The following RCOR3 variants were observed in gnomAD, a reference collection of about 807,000 sequenced individuals.
RCOR3 encodes REST corepressor 3.
RCOR3 carries 13 observed loss-of-function variants against 64.1 expected under a neutral mutation model. The ratio of observed to expected loss-of-function variants is 0.20; its 90% confidence interval spans 0.13 to 0.32. The LOEUF (loss-of-function observed/expected upper bound fraction) is 0.32. Ranked by LOEUF, RCOR3 falls within the 10% of genes least tolerant of loss-of-function variation. The pLI is 1.00. For missense variants in RCOR3, 489 were observed against 701.2 expected (o/e 0.70, Z 3.42); for synonymous variants, 215 against 239.0 (o/e 0.90, Z 0.93).
At chr1:211,289,820 G>A (rs1699027011) in intron 8 of RCOR3, among the ~76,000 whole-genome samples, 1 of 152,112 alleles carries the variant, frequency 6.6e-6, no homozygotes, top group Non-Finnish European at 1.5e-5. Flanking sequence ...TAGTAGTATT[G>A]TAAGGGCAGC....
At chr1:211,298,689 G>T (rs1700077435) in intron 9 of RCOR3, among the ~76,000 whole-genome samples, 1 of 152,076 alleles carries the variant, frequency 6.6e-6, no homozygotes, top group Admixed American at 6.6e-5. Context: ...AGTGGGCAGG[G>T]TCAGAGTATA....
At chr1:211,286,872 CCTT>C (rs1401576536) in intron 7 of RCOR3, among the ~76,000 whole-genome samples, 2 of 152,154 alleles carry the variant, frequency 1.3e-5, no homozygotes, top group South Asian at 2.1e-4. Context: ...TTTTGCCCAC[CCTT>C]CTTTCCTGAA....
chr1:211,308,673 GTTTTTT>G (rs545513442), intron 10 of RCOR3, among the ~76,000 whole-genome samples: 1 of 40,488 alleles, frequency 2.5e-5, no homozygotes, highest in Non-Finnish European at 5.4e-5. Flanking sequence ...TTTTTTTTTT[GTTTTTT>G]TTTTGTTTTT....
intron 5 of RCOR3, 130 bp downstream of exon 5, chr1:211,276,548 A>G: frequency 1.3e-6 from 1 of 776,988 alleles, no homozygotes; most frequent in Non-Finnish European, 2.0e-6. Context: ...AAGTAGGTAT[A>G]TTTATATACA....
chr1:211,305,966 G>C (rs1015131496), intron 10 of RCOR3, among the ~76,000 whole-genome samples: 1 of 152,078 alleles, frequency 6.6e-6, no homozygotes, highest in Admixed American at 6.5e-5. Context: ...ACTAATGCAG[G>C]AGTTTGTATG....
chr1:211,308,698 T>TTTTTTTTTTTTG (rs1701171863), intron 10 of RCOR3, among the ~76,000 whole-genome samples: 3 of 40,846 alleles, frequency 7.3e-5, no homozygotes, highest in African/African-American at 2.1e-4. Flanking sequence ...TTTTTTTTTT[T>TTTTTTTTTTTTG]TGTGTAGTCC....
Position 211,274,266 on chromosome 1 carries a change from T to C in RCOR3, c.354+4T>C, listed in dbSNP as rs1476488064. The C allele has an allele frequency of 2.5e-6, 4 of 1,591,918 alleles. No individual in the cohort carries two copies. Among genetic ancestry groups the C allele is most frequent in the East Asian group, 4.5e-5 (2 of 44,594 alleles). On this transcript the variant is annotated splice_donor_region_variant and intron_variant, in intron 4 of 11. Coordinates refer to ENST00000419091, the MANE Select transcript of RCOR3 (RefSeq NM_001136223.3). ...GCATGGCTACAATGTGGAACAGGTA[T>C]GTAGAGAAACACTTCAGTAGTAAGG...
chr1:211,301,636 T>C (rs1011950759), intron 9 of RCOR3: 2 of 152,218 alleles, frequency 1.3e-5, no homozygotes, highest in Non-Finnish European at 2.9e-5. Context: ...TCAGAAGCTT[T>C]TCCTATTCTA....
intron 2 of RCOR3, among the ~76,000 whole-genome samples, chr1:211,266,230 A>G (rs1695170262): frequency 6.6e-6 from 1 of 152,178 alleles, no homozygotes; most frequent in South Asian, 2.1e-4. Context: ...AAATGTTAAA[A>G]TATGTTTAGT....
chr1:211,271,769 C>T, intron 3 of RCOR3: 1 of 271,186 alleles, frequency 3.7e-6, no homozygotes, highest in Non-Finnish European at 7.5e-6. Flanking sequence ...CGGAGACCTT[C>T]TGGATCATTG....
At chr1:211,259,936 T>A in intron 1 of RCOR3, 172 bp from the exon 2 acceptor site, 18 of 278,600 alleles carry the variant, frequency 6.5e-5, no homozygotes, top group African/African-American at 1.6e-4. Flanking sequence ...CCCCCCCCGC[T>A]CCCCGCCCCC....
In RCOR3 at chr1:211,313,503, T is replaced by C. The variant is rs758730260; in HGVS notation, c.1397T>C (p.Ile466Thr). Residue 466 changes from isoleucine (I) to threonine (T), a missense_variant, in exon 12 of 12, where the codon ATT becomes ACT. Around this residue, in one of 2 missense-constraint regions of RCOR3, gnomAD observed 402 missense variants for 617.0 expected, o/e 0.65. Coordinates refer to ENST00000419091, the MANE Select transcript of RCOR3 (RefSeq NM_001136223.3). The surrounding 1 kb of genome is among the most constrained non-coding windows in gnomAD (Gnocchi z 4.7). Reference sequence around the variant, plus strand: ...TCCACTCCAACACCAACAGCCCCTATTGCCACTCTGAACCAGCCTCCACCA... The same window carrying C: ...TCCACTCCAACACCAACAGCCCCTACTGCCACTCTGAACCAGCCTCCACCA... ...PSSTPTPTAPIATLNQPPPLL... is the reference protein window; with the variant it reads ...PSSTPTPTAPTATLNQPPPLL... 6.2e-7 allele frequency: 1 copy of C among 1,614,106 alleles called. No homozygotes were observed. The highest frequency in any genetic ancestry group is 8.5e-7 in the Non-Finnish European group (1 of 1,180,010).
At chr1:211,264,072 C>T (rs1362107209) in intron 2 of RCOR3, among the ~76,000 whole-genome samples, 4 of 152,220 alleles carry the variant, frequency 2.6e-5, no homozygotes, top group African/African-American at 9.6e-5. Flanking sequence ...ATCCGCGTGC[C>T]TTGGCCTCCC....
In RCOR3 at chr1:211,283,926, G is replaced by A. The variant is rs192393775; in HGVS notation, c.720+4610G>A. On this transcript the variant is annotated intron_variant, in intron 7 of 11. Coordinates refer to ENST00000419091, the MANE Select transcript of RCOR3 (RefSeq NM_001136223.3). ...TGTATATTCTGGATACGAGTCCTTT[G>A]GTTAACAGCAAATATCTTTTGCCAG... 1.5e-3 allele frequency among the ~76,000 whole-genome samples: 232 copies of A among 150,830 alleles called. 1 individual carries two copies. The highest frequency in any genetic ancestry group is 3.7e-3 in the Admixed American group (56 of 15,154).
chr1:211,274,276 C>T lies in RCOR3; in HGVS notation c.354+14C>T. 1 of 1,563,850 alleles carries T rather than the reference C, an allele frequency of 6.4e-7. No individual in the cohort carries two copies. The highest frequency in any genetic ancestry group is 1.1e-5 in the South Asian group (1 of 89,310). Reference sequence around the variant, plus strand: ...AATGTGGAACAGGTATGTAGAGAAACACTTCAGTAGTAAGGCTTGTCCCAA... The same window carrying T: ...AATGTGGAACAGGTATGTAGAGAAATACTTCAGTAGTAAGGCTTGTCCCAA... On this transcript the variant is annotated intron_variant, in intron 4 of 11. Transcript: ENST00000419091.
Position 211,278,871 on chromosome 1 carries a change from A to G in RCOR3, c.642-367A>G, listed in dbSNP as rs373582025. On this transcript the variant is annotated intron_variant, in intron 6 of 11. Coordinates refer to ENST00000419091, the MANE Select transcript of RCOR3 (RefSeq NM_001136223.3). ...ATTTAGATATATATATTACAGTTTG[A>G]TAAGAGCACTAGAATACAATAAAAA... is the stretch of plus-strand genomic sequence containing the variant. Among the ~76,000 whole-genome samples the G allele has an allele frequency of 2.0e-4, 31 of 152,276 alleles. 1 individual carries two copies. The East Asian group carries it at 5.6e-3, about 27-fold the overall frequency.
chr1:211,312,216 A>G lies in RCOR3; in HGVS notation c.1076-504A>G, dbSNP rs1701561142. ...GTGCTATAGGCAAGTATTCATGTTG[A>G]AGTTAGTATTAAGACCAAAATTATA... is the stretch of plus-strand genomic sequence containing the variant. On this transcript the variant is annotated intron_variant, in intron 10 of 11. Coordinates refer to ENST00000419091, the MANE Select transcript of RCOR3 (RefSeq NM_001136223.3). This position sits in a 1 kb window ranked among gnomAD's most constrained non-coding sequence, Gnocchi z 5.0. 2 of 256,158 alleles carry G rather than the reference A, an allele frequency of 7.8e-6. No individual in the cohort carries two copies. The highest frequency in any genetic ancestry group is 3.7e-5 in the Admixed American group (1 of 26,844). The allele number at this position is 256,158 out of a possible 1,614,324, so 15.9% of individuals were successfully genotyped here. A position where few individuals can be genotyped will look rare whatever the true frequency, so the allele number is the denominator to read the frequency against.
intron 10 of RCOR3, 49 bp downstream of exon 10, chr1:211,304,189 C>T: frequency 2.2e-6 from 3 of 1,361,280 alleles, no homozygotes; most frequent in Non-Finnish European, 2.0e-6. Context: ...TTTAATTTGT[C>T]ATGAAAGGTG....
intron 2 of RCOR3, 30 bp from the exon 3 acceptor site, chr1:211,271,202 A>C: frequency 6.3e-7 from 1 of 1,581,666 alleles, no homozygotes; most frequent in Non-Finnish European, 8.7e-7. Flanking sequence ...AAAATCCATC[A>C]TATTCAAAGT....
Sources: gnomAD v4.1 joint callset for allele counts (sites outside exome capture counted in the v4.1 genomes callset) on GRCh38, gnomAD v4.1.1 for gene constraint, gnomAD v4.1.1 regional missense constraint, Gnocchi (gnomAD v3.1) non-coding constraint, MANE v1.5 for transcripts, NCBI Gene and HGNC (gene_info 2026-07-23, HGNC 2026-07-21) for gene names.